GOLGA2: variants seen among roughly 807,000 people sequenced by gnomAD.
GOLGA2 encodes the protein golgin A2.
A neutral mutation model predicts 148.8 loss-of-function variants in GOLGA2; 49 were observed. The ratio of observed to expected loss-of-function variants is 0.33; its 90% confidence interval spans 0.26 to 0.42. The LOEUF is 0.42. Ranked by LOEUF, GOLGA2 falls within the 10% of genes least tolerant of loss-of-function variation. GOLGA2 has a pLI of 1.00. For missense variants in GOLGA2, 1,178 were observed against 1,304.6 expected, an observed-to-expected ratio of 0.90 and a Z score of 1.49; for synonymous variants, 501 against 511.8, an observed-to-expected ratio of 0.98 and a Z score of 0.28.
chr9:128,267,360 G>C, intron 7 of GOLGA2, 86 bp from the exon 8 acceptor site: 1 of 1,396,976 alleles, frequency 7.2e-7, no homozygotes, highest in Non-Finnish European at 1.0e-6. Context: ...GGGTGTGTGG[G>C]CTGTCTCAGC....
At position 128,265,866 on chromosome 9, in the gene GOLGA2, T is replaced by C. The variant is rs768471124; in HGVS notation, c.748A>G (p.Ile250Val). The change falls in exon 11 of 27, where the codon ATA becomes GTA. Residue 250 changes from isoleucine (I) to valine (V), a missense_variant. By Grantham distance (29) the Ile-to-Val change is conservative. Around this residue, in one of 5 missense-constraint regions of GOLGA2, gnomAD observed 304 missense variants for 404.1 expected, o/e 0.75. Coordinates refer to ENST00000611957, the MANE Select transcript of GOLGA2 (RefSeq NM_001366244.2). ...GCTTTCTCTGATACGAGGATCCCTATGGTCTGAATGTGAACCTTTGGGAGG... is the reference window on the plus strand; with the variant it reads ...GCTTTCTCTGATACGAGGATCCCTACGGTCTGAATGTGAACCTTTGGGAGG... ...REQLQVHIQT[I>V]GILVSEKAEL... The C allele has an allele frequency of 3.7e-6, 6 of 1,612,766 alleles. No individual in the cohort carries two copies. The Admixed American group carries it at 6.7e-5, about 18-fold the overall frequency.
In GOLGA2 at chr9:128,257,196, T is replaced by C; in HGVS notation, c.2961A>G (p.Ala987=). 6.2e-7 allele frequency: 1 copy of C among 1,614,002 alleles called. No individual in the cohort carries two copies. The highest frequency in any genetic ancestry group is 1.1e-5 in the South Asian group (1 of 91,080). ...REGSPRDNPT[A]QQIMQLLREM... Reference sequence around the variant, plus strand: ...CACGAAGCAGCTGCATGATCTGCTGTGCAGTGGGGTTGTCACGGGGAGAAC... The same window carrying C: ...CACGAAGCAGCTGCATGATCTGCTGCGCAGTGGGGTTGTCACGGGGAGAAC... The change falls in exon 27 of 27, where the codon GCA becomes GCG. Residue 987 remains alanine, a synonymous_variant. Transcript: ENST00000611957. This position sits in a 1 kb window ranked among gnomAD's most constrained non-coding sequence, Gnocchi z 8.0.
intron 12 of GOLGA2, among the ~76,000 whole-genome samples, chr9:128,263,906 T>C (rs1296969492): frequency 6.7e-6 from 1 of 148,982 alleles, no homozygotes; most frequent in African/African-American, 2.5e-5. Context: ...CCTGTAATCC[T>C]GGCACTTTGG....
rs1831324873 is a variant in GOLGA2, at chr9:128,275,902, C to T, written c.75G>A (p.Ala25=). The change falls in exon 1 of 27, where the codon GCG becomes GCA. Residue 25 remains alanine (A), a synonymous_variant. Coordinates refer to ENST00000611957, the MANE Select transcript of GOLGA2 (RefSeq NM_001366244.2). ...ACCCGGTGCACTTTACCTTTTTCTT[C>T]GCTGCGGCCAATTTGCTCTGTCGGG... The part of the protein sequence containing the change: ...EETRQSKLAA[A]KKKLREYQQR... 1 of 1,567,156 alleles carries T rather than the reference C, an allele frequency of 6.4e-7. No homozygotes were observed. The highest frequency in any genetic ancestry group is 8.7e-7 in the Non-Finnish European group (1 of 1,153,934).
In GOLGA2 at chr9:128,265,763, G is replaced by A. The variant is rs761844143; in HGVS notation, c.826+25C>T. 6 of 1,611,342 alleles carry A rather than the reference G, an allele frequency of 3.7e-6. No homozygotes were observed. The East Asian group carries it at 1.1e-4, about 30-fold the overall frequency. ...GGCCTGTCAAAGTGCCAGGTTGAAG[G>A]ATGATGGGGTGCCCAGATTCCCACC... is the stretch of plus-strand genomic sequence containing the variant. On this transcript the variant is annotated intron_variant, in intron 11 of 26. Transcript: ENST00000611957.
rs1300924857 is a variant in GOLGA2, at chr9:128,266,830, C to T, written c.642+364G>A. On this transcript the variant is annotated intron_variant, in intron 8 of 26. Coordinates refer to ENST00000611957, the MANE Select transcript of GOLGA2 (RefSeq NM_001366244.2). The surrounding 1 kb of genome is among the most constrained non-coding windows in gnomAD (Gnocchi z 4.2). ...TCTACCTCCTCAGGAAATGCAAGCC[C>T]AAGGAGGAGAGGTGGCTTGTCCCAA... is the stretch of plus-strand genomic sequence containing the variant. 3 of 389,072 alleles carry T rather than the reference C, an allele frequency of 7.7e-6. No homozygotes were observed. The highest frequency in any genetic ancestry group is 7.7e-4 in the Middle Eastern group (1 of 1,302). The allele number at this position is 389,072 out of a possible 1,614,324, so 24.1% of individuals were successfully genotyped here.
rs1299104600 is a variant in GOLGA2 at position 128,260,493 on chromosome 9, G to C, written c.1730C>G (p.Ala577Gly). Residue 577 changes from alanine (A) to glycine (G), a missense_variant, in exon 18 of 27, where the codon GCT becomes GGT. By Grantham distance (60) the Ala-to-Gly change is moderately conservative (BLOSUM62 0). This residue lies in a region of GOLGA2 where 529 missense variants were observed against 521.8 expected (regional missense o/e 1.01). Coordinates refer to ENST00000611957, the MANE Select transcript of GOLGA2 (RefSeq NM_001366244.2). The surrounding 1 kb of genome is among the most constrained non-coding windows in gnomAD (Gnocchi z 4.8). ...CTTTACAAATCCGCTCTGCAGCTCA[G>C]CCAGCTGCTCCTTGAGCTCCCGGTT... ...SQNRELKEQL[A>G]ELQSGFVKLT... 6.2e-7 allele frequency: 1 copy of C among 1,612,022 alleles called. No homozygotes were observed. Among genetic ancestry groups the C allele is most frequent in the East Asian group, 2.2e-5 (1 of 44,838 alleles).
chr9:128,257,379 G>T lies in GOLGA2; in HGVS notation c.2865C>A (p.Asn955Lys). 1 of 1,613,116 alleles carries T rather than the reference G, an allele frequency of 6.2e-7. No individual in the cohort carries two copies. The highest frequency in any genetic ancestry group is 8.5e-7 in the Non-Finnish European group (1 of 1,180,016). The change falls in exon 26 of 27, where the codon AAC becomes AAA. Residue 955 changes from asparagine to lysine, a missense_variant. Physicochemically the swap from Asn to Lys is moderately conservative, Grantham distance 94 (BLOSUM62 0). Around this residue, in one of 5 missense-constraint regions of GOLGA2, gnomAD observed 149 missense variants for 154.9 expected, o/e 0.96. Transcript: ENST00000611957. The surrounding 1 kb of genome is among the most constrained non-coding windows in gnomAD (Gnocchi z 8.0). ...GAGGGCTCTACTCACCACCCTGCTGGTTGGCAGCCCCAAGTTCCTGGGGGG... is the reference window on the plus strand; with the variant it reads ...GAGGGCTCTACTCACCACCCTGCTGTTTGGCAGCCCCAAGTTCCTGGGGGG... ...APAPQELGAANQQGDLCEVSL... is the reference protein window; with the variant it reads ...APAPQELGAAKQQGDLCEVSL...
At position 128,271,497 on chromosome 9, in the gene GOLGA2, G is replaced by T. The variant is rs898757936; in HGVS notation, c.288+1288C>A. 6.6e-6 allele frequency among the ~76,000 whole-genome samples: 1 copy of T among 152,166 alleles called. No homozygotes were observed. The highest frequency in any genetic ancestry group is 2.4e-5 in the African/African-American group (1 of 41,432). On this transcript the variant is annotated intron_variant, in intron 3 of 26. Transcript: ENST00000611957. The surrounding 1 kb of genome is among the most constrained non-coding windows in gnomAD (Gnocchi z 4.4). Reference sequence around the variant, plus strand: ...TGCCAAATCACAGCCAGAGGAGGTTGTCTCCCAGCCCTGTGTACCTCCATG... The same window carrying T: ...TGCCAAATCACAGCCAGAGGAGGTTTTCTCCCAGCCCTGTGTACCTCCATG...
chr9:128,272,493 GA>G lies in GOLGA2; in HGVS notation c.288+291del, dbSNP rs1192654554. Among the ~76,000 whole-genome samples, 9 of 144,174 alleles carry G rather than the reference GA, an allele frequency of 6.2e-5. No individual in the cohort carries two copies. In the East Asian group the frequency reaches 1.0e-3, roughly 16 times the overall value. 94.6% of individuals were successfully genotyped at this position (144,174 alleles called of 152,430 possible). A position where few individuals can be genotyped will look rare whatever the true frequency, so the allele number is the denominator to read the frequency against. On this transcript the variant is annotated intron_variant, in intron 3 of 26. Coordinates refer to ENST00000611957, the MANE Select transcript of GOLGA2 (RefSeq NM_001366244.2). ...GACTCCGTCTCTGAAAAAAAAAGAA[GA>G]AAAAAAAAAGCCCCAAATCCCACAC...
chr9:128,262,470 C>A, intron 14 of GOLGA2, 93 bp downstream of exon 14: 1 of 1,274,482 alleles, frequency 7.8e-7, no homozygotes, highest in South Asian at 1.5e-5. Context: ...TTTTCCAGCT[C>A]TTGGCTGGAG....
Position 128,261,729 on chromosome 9 carries a change from G to C in GOLGA2, c.1163C>G (p.Ala388Gly). Residue 388 changes from alanine (A) to glycine (G), a missense_variant, in exon 15 of 27, where the codon GCT becomes GGT. This residue lies in a region of GOLGA2 where 304 missense variants were observed against 404.1 expected (regional missense o/e 0.75). Transcript: ENST00000611957. This position sits in a 1 kb window ranked among gnomAD's most constrained non-coding sequence, Gnocchi z 5.7. ...CATGGCCTGCTGTAACTGCTGGTTA[G>C]CATCAGGGGCTTCACACCGGCTTGA... is the stretch of plus-strand genomic sequence containing the variant. ...QFSSRCEAPD[A>G]NQQLQQAMEE... 6.2e-7 allele frequency: 1 copy of C among 1,612,984 alleles called. No individual in the cohort carries two copies. Among genetic ancestry groups the C allele is most frequent in the South Asian group, 1.1e-5 (1 of 91,046 alleles).
At chr9:128,264,463 T>C (rs968383375) in intron 12 of GOLGA2, among the ~76,000 whole-genome samples, 1 of 151,976 alleles carries the variant, frequency 6.6e-6, no homozygotes, top group African/African-American at 2.4e-5. Context: ...AGTCTCCCTC[T>C]GTCACCCAGG....
chr9:128,260,391 C>A lies in GOLGA2; in HGVS notation c.1758+74G>T. 1 of 1,284,116 alleles carries A rather than the reference C, an allele frequency of 7.8e-7. No homozygotes were observed. The highest frequency in any genetic ancestry group is 1.7e-5 in the Admixed American group (1 of 57,680). The allele number at this position is 1,284,116 out of a possible 1,614,324, so 79.5% of individuals were successfully genotyped here. On this transcript the variant is annotated intron_variant, in intron 18 of 26. Coordinates refer to ENST00000611957, the MANE Select transcript of GOLGA2 (RefSeq NM_001366244.2). The surrounding 1 kb of genome is among the most constrained non-coding windows in gnomAD (Gnocchi z 4.8). Reference sequence around the variant, plus strand: ...CATTTCAAGTGAGGGCTACACTGCCCCACTTTACAGGTGGGAAAACAAAGG... The same window carrying A: ...CATTTCAAGTGAGGGCTACACTGCCACACTTTACAGGTGGGAAAACAAAGG...
intron 14 of GOLGA2, 70 bp downstream of exon 14, chr9:128,262,493 C>T: frequency 6.8e-7 from 1 of 1,477,060 alleles, no homozygotes; most frequent in Non-Finnish European, 9.3e-7. Flanking sequence ...TCCCCATGCC[C>T]TGCATGATCC....
At position 128,261,514 on chromosome 9, in the gene GOLGA2, C is replaced by G. The variant is rs751828552; in HGVS notation, c.1272G>C (p.Ala424=). The change falls in exon 16 of 27, where the codon GCG becomes GCC. Residue 424 remains alanine (A), a synonymous_variant. Coordinates refer to ENST00000611957, the MANE Select transcript of GOLGA2 (RefSeq NM_001366244.2). This position sits in a 1 kb window ranked among gnomAD's most constrained non-coding sequence, Gnocchi z 5.7. ...TGGCGCTCTCTCCTTTGAGATTCTC[C>G]GCATATTTATCTCTCTCCATTTGTA... ...RQLQMERDKY[A]ENLKGESAMW... The G allele has an allele frequency of 6.2e-7, 1 of 1,611,716 alleles. No homozygotes were observed. The highest frequency in any genetic ancestry group is 8.5e-7 in the Non-Finnish European group (1 of 1,177,888).
intron 7 of GOLGA2, 48 bp from the exon 8 acceptor site, chr9:128,267,322 G>C (rs749320531): frequency 1.1e-5 from 16 of 1,437,626 alleles, no homozygotes; most frequent in Non-Finnish European, 1.2e-5. Flanking sequence ...TGGGGGGAGA[G>C]GTAGAGAGAG....
Position 128,267,890 on chromosome 9 carries a change from T to C in GOLGA2, c.501+44A>G. The C allele has an allele frequency of 2.1e-6, 3 of 1,432,006 alleles. 1 individual carries two copies. The South Asian group carries it at 3.4e-5, about 16-fold the overall frequency. 88.7% of individuals were successfully genotyped at this position (1,432,006 alleles called of 1,614,324 possible). On this transcript the variant is annotated intron_variant, in intron 6 of 26. Coordinates refer to ENST00000611957, the MANE Select transcript of GOLGA2 (RefSeq NM_001366244.2). ...ATCCCTGCTTCAGTTTCTATCATAG[T>C]TCCCTTCCCCCCACCCCGCTCTCGG...
At chr9:128,269,366 C>T (rs1042589825) in intron 3 of GOLGA2, among the ~76,000 whole-genome samples, 2 of 152,120 alleles carry the variant, frequency 1.3e-5, no homozygotes, top group Admixed American at 1.3e-4. Context: ...CCAACACCCC[C>T]ACCCCGACCT....
Sources: allele counts gnomAD v4.1 joint callset (sites outside exome capture counted in the v4.1 genomes callset), GRCh38; gene constraint gnomAD v4.1.1; regional missense constraint gnomAD v4.1.1; non-coding constraint Gnocchi (gnomAD v3.1); transcripts MANE v1.5; gene names NCBI Gene and HGNC (gene_info 2026-07-23, HGNC 2026-07-21).